Variants in EIF3H observed in about 807,000 individuals in gnomAD.
EIF3H encodes the protein eIF-3-gamma.
A neutral mutation model predicts 44.2 loss-of-function variants in EIF3H; 26 were observed. That is an observed-to-expected ratio of 0.59 (90% CI 0.43 to 0.82). The LOEUF (loss-of-function observed/expected upper bound fraction) is 0.82, where lower values mean the gene tolerates loss of function less well. Among genes scored for constraint, EIF3H ranks in the 40% least tolerant of loss-of-function variants. EIF3H has a pLI of 0.00. For synonymous variants in EIF3H, 166 were observed against 151.9 expected (o/e 1.09, Z -0.68); for missense variants, 359 against 432.8 (o/e 0.83, Z 1.51).
upstream of EIF3H, among the ~76,000 whole-genome samples, chr8:116,756,681 G>T (rs1055539540): frequency 1.3e-5 from 2 of 152,022 alleles, no homozygotes; most frequent in Non-Finnish European, 2.9e-5. Context: ...TTGTTGTTTT[G>T]TCATTGGGAT....
intron 2 of EIF3H, among the ~76,000 whole-genome samples, chr8:116,663,333 T>C (rs551344225): frequency 2.0e-5 from 3 of 152,208 alleles, no homozygotes; most frequent in Admixed American, 6.5e-5. Flanking sequence ...CAGGCACTGA[T>C]TGGCAACTTT....
At chr8:116,710,200 T>C (rs1814550720) in intron 2 of EIF3H, among the ~76,000 whole-genome samples, 1 of 152,232 alleles carries the variant, frequency 6.6e-6, no homozygotes, top group African/African-American at 2.4e-5. Flanking sequence ...TTTATCAGTA[T>C]TGTCTGTTTA....
At chr8:116,686,438 C>T (rs1586456144) in intron 2 of EIF3H, among the ~76,000 whole-genome samples, 1 of 151,920 alleles carries the variant, frequency 6.6e-6, no homozygotes, top group African/African-American at 2.4e-5. Flanking sequence ...ATCCATATTA[C>T]AATAAAAATA....
chr8:116,662,843 G>A (rs1239009666), intron 2 of EIF3H, among the ~76,000 whole-genome samples: 1 of 152,170 alleles, frequency 6.6e-6, no homozygotes, highest in Non-Finnish European at 1.5e-5. Context: ...GTGAAATTAT[G>A]GCATGCTGGT....
chr8:116,726,334 T>A (rs1814837653), intron 1 of EIF3H, among the ~76,000 whole-genome samples, 162 bp from the exon 2 acceptor site: 1 of 152,204 alleles, frequency 6.6e-6, no homozygotes, highest in Non-Finnish European at 1.5e-5. Context: ...TACCCTTACA[T>A]AAATAATAAA....
chr8:116,670,570 G>C (rs1485740545), intron 2 of EIF3H, among the ~76,000 whole-genome samples: 2 of 152,136 alleles, frequency 1.3e-5, no homozygotes, highest in Admixed American at 6.5e-5. Flanking sequence ...TACTTTCCAG[G>C]GTGGAGAAAG....
chr8:116,734,205 T>C (rs915399387), intron 1 of EIF3H: 4 of 448,038 alleles, frequency 8.9e-6, no homozygotes, highest in Admixed American at 7.4e-5. Context: ...GGAAAATTAA[T>C]GTGATTACAG....
chr8:116,654,405 C>T (rs1053961811), intron 5 of EIF3H, among the ~76,000 whole-genome samples: 2 of 152,050 alleles, frequency 1.3e-5, no homozygotes, highest in Non-Finnish European at 2.9e-5. Context: ...TTTGTATGCT[C>T]AATAAAGGCA....
Position 116,683,452 on chromosome 8 carries a change from G to A in EIF3H, c.290-24472C>T, listed in dbSNP as rs553017510. Among the ~76,000 whole-genome samples, 4 of 152,180 alleles carry A rather than the reference G, an allele frequency of 2.6e-5. No individual in the cohort carries two copies. In the East Asian group the frequency reaches 7.7e-4, roughly 29 times the overall value. ...TGTGCCTCTTCTTATAAGGACATGA[G>A]CCCTGCTCTCATTACCTCATCTAAC... On this transcript the variant is annotated intron_variant, in intron 2 of 7. Coordinates refer to ENST00000521861, the MANE Select transcript of EIF3H (RefSeq NM_003756.3).
intron 2 of EIF3H, among the ~76,000 whole-genome samples, chr8:116,710,990 T>C (rs530875058): frequency 6.6e-6 from 1 of 152,332 alleles, no homozygotes; most frequent in South Asian, 2.1e-4. Flanking sequence ...ACATAAGAAA[T>C]ATATATATTT....
intron 1 of EIF3H, 56 bp downstream of exon 1, chr8:116,755,610 A>G (rs1009110875): frequency 5.6e-6 from 9 of 1,607,110 alleles, no homozygotes; most frequent in Non-Finnish European, 7.7e-6. Flanking sequence ...GTCTGGTGGG[A>G]CGGGGCTGGG....
At chr8:116,657,345 A>G in intron 3 of EIF3H, 31 bp from the exon 4 acceptor site, 1 of 1,557,356 alleles carries the variant, frequency 6.4e-7, no homozygotes, top group Non-Finnish European at 8.9e-7. Flanking sequence ...TAAATTACTA[A>G]GAATTTTGTC....
chr8:116,666,428 G>C (rs1167130264), intron 2 of EIF3H, among the ~76,000 whole-genome samples: 1 of 152,032 alleles, frequency 6.6e-6, no homozygotes, highest in Non-Finnish European at 1.5e-5. Context: ...CTTACATCCT[G>C]TAACAAATTT....
chr8:116,647,684 A>C (rs1813327007), intron 6 of EIF3H, among the ~76,000 whole-genome samples: 1 of 152,244 alleles, frequency 6.6e-6, no homozygotes, highest in African/African-American at 2.4e-5. Flanking sequence ...GTAAAAATTT[A>C]GTCTTTGGAT....
chr8:116,697,232 C>G, intron 2 of EIF3H: 1 of 456,080 alleles, frequency 2.2e-6, no homozygotes, highest in South Asian at 1.5e-5. Flanking sequence ...AAAGGAAATA[C>G]TGGGCCTAGA....
chr8:116,694,376 C>T (rs1258552562), intron 2 of EIF3H, among the ~76,000 whole-genome samples: 3 of 152,308 alleles, frequency 2.0e-5, no homozygotes, highest in Non-Finnish European at 2.9e-5. Flanking sequence ...TCATTTTACA[C>T]ATGTAAGTGC....
chr8:116,650,431 A>G (rs1813369895), intron 5 of EIF3H, among the ~76,000 whole-genome samples: 2 of 152,228 alleles, frequency 1.3e-5, no homozygotes, highest in African/African-American at 2.4e-5. Flanking sequence ...ATATACTCAC[A>G]CAAAAACTCA....
chr8:116,742,580 G>A, intron 1 of EIF3H, among the ~76,000 whole-genome samples: 1 of 152,118 alleles, frequency 6.6e-6, no homozygotes, highest in South Asian at 2.1e-4. Context: ...TTTCAGAATT[G>A]TTAAGATCTA....
In EIF3H at chr8:116,665,795, A is replaced by G. The variant is rs918694324; in HGVS notation, c.290-6815T>C. Among the ~76,000 whole-genome samples, 13 of 152,342 alleles carry G rather than the reference A, an allele frequency of 8.5e-5. No homozygotes were observed. The South Asian group carries it at 2.7e-3, about 32-fold the overall frequency. ...AACTTTATTCTGTGCTTTCCTCTTCATATCAGACTTTTTGCCAAGCTGCAC... is the reference window on the plus strand; with the variant it reads ...AACTTTATTCTGTGCTTTCCTCTTCGTATCAGACTTTTTGCCAAGCTGCAC... On this transcript the variant is annotated intron_variant, in intron 2 of 7. Coordinates refer to ENST00000521861, the MANE Select transcript of EIF3H (RefSeq NM_003756.3).
Sources: gnomAD v4.1 joint callset for allele counts (sites outside exome capture counted in the v4.1 genomes callset) on GRCh38, gnomAD v4.1.1 for gene constraint, MANE v1.5 for transcripts, NCBI Gene and HGNC (gene_info 2026-07-23, HGNC 2026-07-21) for gene names.